Variants in TIGAR observed in about 807,000 individuals in gnomAD.
TIGAR encodes the protein fructose-2,6-bisphosphatase TIGAR.
In TIGAR, 7 loss-of-function variants were observed where a neutral mutation model predicts 17.9. The observed-to-expected ratio is 0.39, with a 90% CI of 0.22 to 0.73. TIGAR has a LOEUF of 0.73. TIGAR is among the 30% of genes least tolerant of loss of function. The probability of loss-of-function intolerance (pLI) is 0.42; values close to 1 mark genes in which losing one functional copy is unlikely to be tolerated. For synonymous variants in TIGAR, 94 were observed against 108.6 expected, an observed-to-expected ratio of 0.87 and a Z score of 0.84; for missense variants, 258 against 327.4, an observed-to-expected ratio of 0.79 and a Z score of 1.64.
At chr12:4,340,376 A>C (rs948285615) in intron 3 of TIGAR, among the ~76,000 whole-genome samples, 1 of 152,234 alleles carries the variant, frequency 6.6e-6, no homozygotes, top group Non-Finnish European at 1.5e-5. Context: ...AAACTATAAG[A>C]CACTGATGAA....
chr12:4,333,441 C>A (rs920305960), intron 2 of TIGAR, among the ~76,000 whole-genome samples: 1 of 151,090 alleles, frequency 6.6e-6, no homozygotes. Context: ...AGGTTCCCGG[C>A]ACCACACCTG....
intron 1 of TIGAR, chr12:4,324,787 G>C (rs976327852): frequency 1.6e-6 from 1 of 645,048 alleles, no homozygotes; most frequent in Non-Finnish European, 2.9e-6. Context: ...CGGAAGGTCC[G>C]CTTCTTCTGC....
In TIGAR at chr12:4,349,864, A is replaced by G; in HGVS notation, c.238A>G (p.Thr80Ala). ...GAGAAGCAAATTTTGCAAAGATATG[A>G]CGGTAAAGTATGACTCAAGACTTCG... ...LERSKFCKDM[T>A]VKYDSRLRER... Residue 80 changes from threonine to alanine, a missense_variant, in exon 4 of 6, where the codon ACG (threonine) becomes GCG (alanine). Coordinates refer to ENST00000179259, the MANE Select transcript of TIGAR (RefSeq NM_020375.3). The G allele has an allele frequency of 6.3e-7, 1 of 1,580,290 alleles. No homozygotes were observed. Among genetic ancestry groups the G allele is most frequent in the East Asian group, 2.4e-5 (1 of 41,910 alleles).
At chr12:4,347,003 A>G (rs1261056730) in intron 3 of TIGAR, among the ~76,000 whole-genome samples, 1 of 152,220 alleles carries the variant, frequency 6.6e-6, no homozygotes, top group Non-Finnish European at 1.5e-5. Flanking sequence ...AGGTTCCTCA[A>G]AAAACTAAAA....
intron 1 of TIGAR, among the ~76,000 whole-genome samples, chr12:4,325,848 G>T (rs1158846563): frequency 1.3e-5 from 2 of 151,988 alleles, no homozygotes; most frequent in African/African-American, 2.4e-5. Context: ...TTAGGACTAA[G>T]CTGTATTCGT....
intron 3 of TIGAR, among the ~76,000 whole-genome samples, chr12:4,341,731 C>G (rs1241815072): frequency 1.3e-5 from 2 of 152,184 alleles, no homozygotes; most frequent in Admixed American, 6.5e-5. Flanking sequence ...TACCAAAACC[C>G]CATCTGTACG....
At chr12:4,324,816 T>C in intron 1 of TIGAR, 1 of 580,750 alleles carries the variant, frequency 1.7e-6, no homozygotes, top group Non-Finnish European at 3.1e-6. Context: ...GGCCATCTTG[T>C]CGGATCCTCA....
chr12:4,329,328 CTTTTTTTTT>C (rs34584528), intron 1 of TIGAR, among the ~76,000 whole-genome samples: 1 of 73,238 alleles, frequency 1.4e-5, no homozygotes, highest in Non-Finnish European at 2.4e-5. Flanking sequence ...AGCTAATGAT[CTTTTTTTTT>C]TTTTTTTTTT....
intron 4 of TIGAR, 80 bp from the exon 5 acceptor site, chr12:4,351,187 T>A (rs1026151594): frequency 2.3e-6 from 3 of 1,309,358 alleles, no homozygotes; most frequent in Non-Finnish European, 3.3e-6. Context: ...GGATGAATGT[T>A]CTAAATTTGC....
chr12:4,324,335 T>TG lies in TIGAR; in HGVS notation c.32+3032_32+3033insG, dbSNP rs1267338873. On this transcript the variant is annotated intron_variant, in intron 1 of 5. Coordinates refer to ENST00000179259, the MANE Select transcript of TIGAR (RefSeq NM_020375.3). ...TCCATTTAACTTCCTTTTTTTTTTTTTTTTTGGAAATATGTGTGCCTTTAT... is the reference window on the plus strand; with the variant it reads ...TCCATTTAACTTCCTTTTTTTTTTTTGTTTTTGGAAATATGTGTGCCTTTAT... 67 of 746,246 alleles carry TG rather than the reference T, an allele frequency of 9.0e-5. 1 individual carries two copies. The Admixed American group carries it at 1.6e-3, about 18-fold the overall frequency. The allele number at this position is 746,246 out of a possible 1,614,324, so 46.2% of individuals were successfully genotyped here.
At chr12:4,336,756 G>A (rs4765777) in intron 2 of TIGAR, among the ~76,000 whole-genome samples, 9 of 152,018 alleles carry the variant, frequency 5.9e-5, no homozygotes, top group African/African-American at 1.7e-4. Context: ...AATGAAGAGA[G>A]GGGCAAACAT....
At position 4,336,445 on chromosome 12, in the gene TIGAR, A is replaced by AGC. The variant is rs1331389717; in HGVS notation, c.71-593_71-592dup. On this transcript the variant is annotated intron_variant, in intron 2 of 5. Transcript: ENST00000179259. ...GTATGTTCTGTGGGCCCAGCAATGC[A>AGC]GCACACACACACACACACACACACA... Among the ~76,000 whole-genome samples the AGC allele has an allele frequency of 3.3e-3, 331 of 99,534 alleles. 4 individuals are homozygous for AGC. Among genetic ancestry groups the AGC allele is most frequent in the African/African-American group, 0.013 (304 of 22,796 alleles). The allele number at this position is 99,534 out of a possible 152,430, so 65.3% of individuals were successfully genotyped here. A position where few individuals can be genotyped will look rare whatever the true frequency, so the allele number is the denominator to read the frequency against.
chr12:4,330,810 AAG>A (rs1864595749), intron 1 of TIGAR, among the ~76,000 whole-genome samples: 1 of 152,208 alleles, frequency 6.6e-6, no homozygotes, highest in Non-Finnish European at 1.5e-5. Context: ...CCTAGGAACT[AAG>A]AGAAGGCAGG....
intron 3 of TIGAR, among the ~76,000 whole-genome samples, chr12:4,347,140 A>C (rs1864790120): frequency 6.6e-6 from 1 of 152,242 alleles, no homozygotes; most frequent in African/African-American, 2.4e-5. Context: ...AGATTTGGAA[A>C]TAATCCAAAT....
intron 3 of TIGAR, among the ~76,000 whole-genome samples, chr12:4,337,503 T>G (rs1004991452): frequency 6.6e-6 from 1 of 152,208 alleles, no homozygotes; most frequent in Non-Finnish European, 1.5e-5. Flanking sequence ...GTGCCAAAAG[T>G]CTCAACAATT....
At position 4,359,062 on chromosome 12, in the gene TIGAR, A is replaced by G. The variant is rs905007795; in HGVS notation, c.*6371A>G. 1.0e-4 allele frequency among the ~76,000 whole-genome samples: 15 copies of G among 150,624 alleles called. No individual in the cohort carries two copies. Among genetic ancestry groups the G allele is most frequent in the Non-Finnish European group, 3.0e-5 (2 of 67,788 alleles). On this transcript the variant is annotated 3_prime_UTR_variant, in exon 6 of 6. Transcript: ENST00000179259. ...ATCAATATGTCTGGTTCCTCATTAA[A>G]TTTGCAACTACTCTTTTAGCCTTTA...
intron 3 of TIGAR, among the ~76,000 whole-genome samples, chr12:4,344,228 A>T (rs1030065408): frequency 6.6e-6 from 1 of 152,228 alleles, no homozygotes; most frequent in Non-Finnish European, 1.5e-5. Context: ...AATTGAGGCA[A>T]TAATTAATAG....
chr12:4,333,845 C>A (rs1208243036), intron 2 of TIGAR, among the ~76,000 whole-genome samples: 1 of 152,236 alleles, frequency 6.6e-6, no homozygotes, highest in Admixed American at 6.5e-5. Flanking sequence ...GGTGACCCAT[C>A]TGCCTTGGCC....
chr12:4,324,382 G>A, intron 1 of TIGAR: 1 of 1,120,160 alleles, frequency 8.9e-7, no homozygotes, highest in East Asian at 2.4e-5. Flanking sequence ...CTACTTGAGG[G>A]GGATGAAGCG....
Sources: allele counts gnomAD v4.1 joint callset (sites outside exome capture counted in the v4.1 genomes callset), GRCh38; gene constraint gnomAD v4.1.1; transcripts MANE v1.5; gene names NCBI Gene and HGNC (gene_info 2026-07-23, HGNC 2026-07-21).